FOXP1: variants seen among roughly 807,000 people sequenced by gnomAD.
The protein encoded by FOXP1 is forkhead box P1.
In FOXP1, 15 loss-of-function variants were observed where a neutral mutation model predicts 98.2. The observed-to-expected ratio is 0.15, with a 90% CI of 0.10 to 0.24. The LOEUF is 0.24. FOXP1 is among the 10% of genes least tolerant of loss of function. The pLI is 1.00. For missense variants in FOXP1, 633 were observed against 848.5 expected (o/e 0.75, Z 3.15); for synonymous variants, 371 against 314.5 (o/e 1.18, Z -1.90).
intron 5 of FOXP1, among the ~76,000 whole-genome samples, chr3:71,205,346 C>T (rs2063957369): frequency 6.6e-6 from 1 of 152,044 alleles, no homozygotes; most frequent in Non-Finnish European, 1.5e-5. Flanking sequence ...ACTGTAACAC[C>T]ATAAATTATG....
chr3:71,566,068 A>G (rs1486832115), intron 2 of FOXP1, among the ~76,000 whole-genome samples: 1 of 152,236 alleles, frequency 6.6e-6, no homozygotes, highest in African/African-American at 2.4e-5. Flanking sequence ...GCGCACAGGT[A>G]TATGAACATC....
chr3:71,147,480 C>T (rs1280050669), intron 6 of FOXP1, among the ~76,000 whole-genome samples: 2 of 152,214 alleles, frequency 1.3e-5, no homozygotes, highest in African/African-American at 4.8e-5. Context: ...CAGCTGGAAC[C>T]CGAAGATGTT....
intron 5 of FOXP1, chr3:71,289,822 T>G (rs2072556900): frequency 6.6e-6 from 1 of 151,586 alleles, no homozygotes; most frequent in South Asian, 2.1e-4. Context: ...CTAATTTTTG[T>G]TTTTTTTAAT....
intron 4 of FOXP1, among the ~76,000 whole-genome samples, chr3:71,323,279 G>A (rs1029839896): frequency 1.3e-5 from 2 of 152,212 alleles, no homozygotes; most frequent in African/African-American, 4.8e-5. Context: ...TTGAAAACCA[G>A]TGGAGATGAC....
At chr3:71,004,371 A>G (rs534531774) in intron 12 of FOXP1, among the ~76,000 whole-genome samples, 1 of 152,296 alleles carries the variant, frequency 6.6e-6, no homozygotes, top group African/African-American at 2.4e-5. Flanking sequence ...TAGAAATGTA[A>G]TATGAAATTC....
chr3:70,973,888 C>T (rs900886516), intron 17 of FOXP1, among the ~76,000 whole-genome samples: 18 of 141,466 alleles, frequency 1.3e-4, no homozygotes, highest in Non-Finnish European at 2.3e-4. Context: ...GGAGTATTTC[C>T]TTCCTGAATT....
At chr3:71,131,380 A>G (rs2059559282) in intron 6 of FOXP1, among the ~76,000 whole-genome samples, 1 of 131,180 alleles carries the variant, frequency 7.6e-6, no homozygotes, top group Non-Finnish European at 1.6e-5. Context: ...CAGGAGGAAG[A>G]GTTGAACAGC....
chr3:71,564,627 G>A (rs1322802381), intron 2 of FOXP1, among the ~76,000 whole-genome samples: 1 of 152,166 alleles, frequency 6.6e-6, no homozygotes, highest in East Asian at 1.9e-4. Flanking sequence ...ATGAGGATTT[G>A]GTTACACCCT....
At chr3:71,466,901 T>C (rs1266737412) in intron 3 of FOXP1, among the ~76,000 whole-genome samples, 4 of 152,232 alleles carry the variant, frequency 2.6e-5, no homozygotes, top group Non-Finnish European at 4.4e-5. Flanking sequence ...GTGATACTTA[T>C]CCTTGGATAC....
At chr3:71,057,466 A>G (rs2107205902) in intron 7 of FOXP1, among the ~76,000 whole-genome samples, 1 of 147,998 alleles carries the variant, frequency 6.8e-6, no homozygotes, top group Admixed American at 6.7e-5. Context: ...TTTAAATATA[A>G]GGCAAAAAAA....
chr3:71,583,657 C>G lies in FOXP1; in HGVS notation c.-533G>C, dbSNP rs1158311181. On this transcript the variant is annotated 5_prime_UTR_variant, in exon 1 of 21. Coordinates refer to ENST00000649528, the MANE Select transcript of FOXP1 (RefSeq NM_001349338.3). Reference sequence around the variant, plus strand: ...CACTCCCGCCCGCGCGCGCACCCCGCGCACACACTCACTCGCGCACACACG... The same window carrying G: ...CACTCCCGCCCGCGCGCGCACCCCGGGCACACACTCACTCGCGCACACACG... 1.0e-6 allele frequency: 1 copy of G among 984,654 alleles called. No homozygotes were observed. The highest frequency in any genetic ancestry group is 1.2e-6 in the Non-Finnish European group (1 of 829,838). The allele number at this position is 984,654 out of a possible 1,614,324, so 61.0% of individuals were successfully genotyped here. A position where few individuals can be genotyped will look rare whatever the true frequency, so the allele number is the denominator to read the frequency against.
chr3:71,435,968 A>AAGAGGG (rs1553883589), intron 3 of FOXP1, among the ~76,000 whole-genome samples: 1 of 71,332 alleles, frequency 1.4e-5, no homozygotes, highest in Non-Finnish European at 2.9e-5. Flanking sequence ...AGGGAGGAAA[A>AAGAGGG]AAGGAGGGAA....
At chr3:71,110,873 T>C (rs2057861275) in intron 7 of FOXP1, among the ~76,000 whole-genome samples, 1 of 152,226 alleles carries the variant, frequency 6.6e-6, no homozygotes, top group Non-Finnish European at 1.5e-5. Context: ...AATGGCACTG[T>C]ACCTCATTAA....
intron 16 of FOXP1, 22 bp from the exon 17 acceptor site, chr3:70,977,064 A>G (rs754008484): frequency 6.6e-7 from 1 of 1,504,802 alleles, no homozygotes; most frequent in Admixed American, 1.7e-5. Context: ...AATGTAACAG[A>G]AGATAATTTA....
chr3:71,516,354 T>C (rs1408314460), intron 2 of FOXP1, among the ~76,000 whole-genome samples: 2 of 152,086 alleles, frequency 1.3e-5, no homozygotes, highest in Non-Finnish European at 2.9e-5. Context: ...GAAAAACAAA[T>C]GGAACCAAGT....
chr3:71,197,515 ATAAC>A (rs1227715480), intron 6 of FOXP1, among the ~76,000 whole-genome samples: 5 of 152,240 alleles, frequency 3.3e-5, no homozygotes, highest in East Asian at 1.9e-4. Context: ...TGTAAAAAGT[ATAAC>A]TAACAGGAAT....
At chr3:71,540,622 T>C (rs2044726409) in intron 2 of FOXP1, among the ~76,000 whole-genome samples, 1 of 152,208 alleles carries the variant, frequency 6.6e-6, no homozygotes, top group Non-Finnish European at 1.5e-5. Context: ...TTAAGGCAAG[T>C]ATTATTATCA....
intron 3 of FOXP1, among the ~76,000 whole-genome samples, chr3:71,403,618 G>A (rs924944783): frequency 3.9e-5 from 6 of 152,250 alleles, no homozygotes; most frequent in Non-Finnish European, 2.9e-5. Context: ...GGAGGCCAAG[G>A]TGGGTGGATC....
intron 11 of FOXP1, among the ~76,000 whole-genome samples, chr3:71,019,239 A>T (rs985064395): frequency 7.2e-5 from 11 of 152,228 alleles, no homozygotes; most frequent in African/African-American, 2.7e-4. Flanking sequence ...ATGGTGGGAA[A>T]AGGATGATTT....
Sources: allele counts gnomAD v4.1 joint callset (sites outside exome capture counted in the v4.1 genomes callset), GRCh38; gene constraint gnomAD v4.1.1; transcripts MANE v1.5; gene names NCBI Gene and HGNC (gene_info 2026-07-23, HGNC 2026-07-21).